The following EPS15L1 variants were observed in gnomAD, a reference collection of about 807,000 sequenced individuals.
EPS15L1 encodes epidermal growth factor receptor substrate 15-like 1.
In EPS15L1, 43 loss-of-function variants were observed where a neutral mutation model predicts 117.1. That is an observed-to-expected ratio of 0.37 (90% CI 0.29 to 0.47). The LOEUF is 0.47. EPS15L1 is among the 20% of genes least tolerant of loss of function. The pLI is 0.99. For missense variants in EPS15L1, 981 were observed against 1,164.0 expected (o/e 0.84, Z 2.29); for synonymous variants, 459 against 470.5 (o/e 0.98, Z 0.32).
At chr19:16,382,118 G>A (rs935310998) in intron 21 of EPS15L1, among the ~76,000 whole-genome samples, 2 of 152,084 alleles carry the variant, frequency 1.3e-5, no homozygotes, top group African/African-American at 4.8e-5. Context: ...GGACACCTCG[G>A]GCCAAGCCGG....
intron 21 of EPS15L1, among the ~76,000 whole-genome samples, chr19:16,382,437 A>AGTT (rs2092373642): frequency 6.6e-6 from 1 of 152,202 alleles, no homozygotes; most frequent in South Asian, 2.1e-4. Context: ...AATAAAAGGA[A>AGTT]GACAGAAAAA....
At chr19:16,391,621 G>C (rs2092475719) in intron 19 of EPS15L1, among the ~76,000 whole-genome samples, 1 of 138,036 alleles carries the variant, frequency 7.2e-6, no homozygotes, top group African/African-American at 2.8e-5. Flanking sequence ...CACCGAGGCT[G>C]CTTTTTTTTT....
intron 1 of EPS15L1, among the ~76,000 whole-genome samples, chr19:16,464,729 TACACTAACACTAACACTA>T (rs149531973): frequency 6.7e-6 from 1 of 148,518 alleles, no homozygotes; most frequent in Non-Finnish European, 1.5e-5. Context: ...ACACATAAAA[TACACTAACACTAACACTA>T]ACACTAACAC....
chr19:16,468,058 GC>G (rs1315017827), intron 1 of EPS15L1, among the ~76,000 whole-genome samples: 2 of 152,150 alleles, frequency 1.3e-5, no homozygotes, highest in African/African-American at 4.8e-5. Context: ...TCATCACTGA[GC>G]CCAGTTACCA....
At chr19:16,380,245 T>C (rs2092345937) in intron 21 of EPS15L1, among the ~76,000 whole-genome samples, 1 of 151,492 alleles carries the variant, frequency 6.6e-6, no homozygotes, top group African/African-American at 2.4e-5. Flanking sequence ...CTCCAGTGTC[T>C]AGTTACAGCA....
At chr19:16,433,120 G>GT (rs1014588205) in intron 7 of EPS15L1, among the ~76,000 whole-genome samples, 9 of 146,372 alleles carry the variant, frequency 6.1e-5, no homozygotes, top group African/African-American at 1.3e-4. Context: ...TAAATTGAGG[G>GT]TTTTTTTTGT....
Position 16,403,739 on chromosome 19 carries a change from G to A in EPS15L1, c.1620C>T (p.Ile540=). 1 of 1,612,458 alleles carries A rather than the reference G, an allele frequency of 6.2e-7. No homozygotes were observed. The highest frequency in any genetic ancestry group is 8.5e-7 in the Non-Finnish European group (1 of 1,180,002). Residue 540 remains isoleucine, a synonymous_variant, in exon 15 of 24, where the codon ATC becomes ATT. Transcript: ENST00000455140. ...ACCCGACTCCGTGAAGTACCTGGTT[G>A]ATTTCGTCTTGCGTTGACTTCAGGG... is the stretch of plus-strand genomic sequence containing the variant. ...IKSLKSTQDE[I]NQARSKLSQL... is the part of the protein sequence containing the mutation.
At chr19:16,432,811 T>C (rs1251464804) in intron 7 of EPS15L1, among the ~76,000 whole-genome samples, 2 of 152,024 alleles carry the variant, frequency 1.3e-5, no homozygotes, top group African/African-American at 4.8e-5. Context: ...ATTATTATTA[T>C]TATTTTTTTA....
At chr19:16,385,966 G>A (rs187180986) in intron 20 of EPS15L1, among the ~76,000 whole-genome samples, 200 of 152,340 alleles carry the variant, frequency 1.3e-3, no homozygotes, top group Non-Finnish European at 2.3e-3. Context: ...TTCCTTTCTG[G>A]AAAGATGCCA....
chr19:16,467,966 C>T (rs2093318365), intron 1 of EPS15L1, among the ~76,000 whole-genome samples: 1 of 152,166 alleles, frequency 6.6e-6, no homozygotes, highest in Admixed American at 6.5e-5. Flanking sequence ...TACTGAAATA[C>T]AGCAAAAGCT....
chr19:16,368,606 A>G (rs1339952938), intron 22 of EPS15L1, among the ~76,000 whole-genome samples: 1 of 151,710 alleles, frequency 6.6e-6, no homozygotes, highest in Non-Finnish European at 1.5e-5. Flanking sequence ...TGGTGCCCAC[A>G]CAACCATCAT....
chr19:16,445,639 C>A (rs1003134578), intron 1 of EPS15L1, among the ~76,000 whole-genome samples: 18 of 152,174 alleles, frequency 1.2e-4, no homozygotes, highest in South Asian at 8.3e-4. Flanking sequence ...GTCACTGGCC[C>A]CTGTGCAGAG....
intron 10 of EPS15L1, among the ~76,000 whole-genome samples, chr19:16,420,568 A>T (rs1282819930): frequency 6.6e-6 from 1 of 152,212 alleles, no homozygotes; most frequent in Non-Finnish European, 1.5e-5. Context: ...CACTAAGGAC[A>T]GTCATTTCCC....
intron 22 of EPS15L1, among the ~76,000 whole-genome samples, chr19:16,368,441 A>G (rs1310491020): frequency 6.6e-6 from 1 of 152,166 alleles, no homozygotes; most frequent in African/African-American, 2.4e-5. Flanking sequence ...CATCCTACAC[A>G]ACAGAGGATG....
At chr19:16,437,975 A>C in intron 4 of EPS15L1, 110 bp from the exon 5 acceptor site, 1 of 807,630 alleles carries the variant, frequency 1.2e-6, no homozygotes, top group Non-Finnish European at 2.0e-6. Flanking sequence ...TTCAACAATG[A>C]AGGCCGTCCG....
chr19:16,418,604 C>T (rs2092783545), intron 10 of EPS15L1, among the ~76,000 whole-genome samples: 2 of 152,176 alleles, frequency 1.3e-5, no homozygotes, highest in African/African-American at 4.8e-5. Flanking sequence ...GAATCAGCAA[C>T]GACTCTCTTT....
chr19:16,385,731 A>G (rs1364922929), intron 20 of EPS15L1, among the ~76,000 whole-genome samples: 1 of 152,214 alleles, frequency 6.6e-6, no homozygotes, highest in Non-Finnish European at 1.5e-5. Context: ...GGGTGTCCAC[A>G]GATGCTCCCA....
At chr19:16,451,811 G>A (rs2093146661) in intron 1 of EPS15L1, among the ~76,000 whole-genome samples, 1 of 149,894 alleles carries the variant, frequency 6.7e-6, no homozygotes, top group Admixed American at 6.6e-5. Flanking sequence ...TTACAGGCGT[G>A]AGCCACCGCG....
At chr19:16,418,594 G>A (rs1357033010) in intron 10 of EPS15L1, among the ~76,000 whole-genome samples, 1 of 152,112 alleles carries the variant, frequency 6.6e-6, no homozygotes, top group African/African-American at 2.4e-5. Flanking sequence ...GATGAAGAAA[G>A]AATCAGCAAC....
Sources: allele counts gnomAD v4.1 joint callset (sites outside exome capture counted in the v4.1 genomes callset), GRCh38; gene constraint gnomAD v4.1.1; transcripts MANE v1.5; gene names NCBI Gene and HGNC (gene_info 2026-07-23, HGNC 2026-07-21).